LRMDA: variants seen among roughly 807,000 people sequenced by gnomAD.
The protein encoded by LRMDA is leucine rich melanocyte differentiation associated.
Under a neutral mutation model 29.8 loss-of-function variants are expected in LRMDA, and 18 were observed. The observed-to-expected ratio is 0.60, with a 90% confidence interval of 0.42 to 0.90. LRMDA has a LOEUF of 0.90. Among genes scored for constraint, LRMDA ranks in the 40% least tolerant of loss-of-function variants. The pLI, the probability that LRMDA is intolerant of heterozygous loss-of-function variation, is 0.00. For synonymous variants in LRMDA, 125 were observed against 109.4 expected (o/e 1.14, Z -0.89); for missense variants, 273 against 273.9 (o/e 1.00, Z 0.02).
intron 6 of LRMDA, among the ~76,000 whole-genome samples, chr10:76,375,741 G>A (rs186505174): frequency 1.7e-5 from 2 of 117,998 alleles, no homozygotes; most frequent in Admixed American, 8.1e-5. Context: ...TTTTTTTTTC[G>A]GGGGGAGAGG....
At chr10:76,171,498 A>G (rs1850836005) in intron 5 of LRMDA, among the ~76,000 whole-genome samples, 1 of 152,242 alleles carries the variant, frequency 6.6e-6, no homozygotes, top group Admixed American at 6.5e-5. Flanking sequence ...ACCTCCTGTG[A>G]GTGGTTAGGC....
At chr10:76,489,480 C>T (rs1052558514) in intron 6 of LRMDA, among the ~76,000 whole-genome samples, 2 of 151,564 alleles carry the variant, frequency 1.3e-5, no homozygotes, top group Admixed American at 1.3e-4. Context: ...TTTCATTGAT[C>T]TTTTGTATTG....
intron 2 of LRMDA, among the ~76,000 whole-genome samples, chr10:76,028,979 G>A (rs1848107250): frequency 6.6e-6 from 1 of 152,106 alleles, no homozygotes; most frequent in South Asian, 2.1e-4. Context: ...ACCACGCCCA[G>A]CTAATTTTTG....
At chr10:75,727,339 A>G (rs1456223962) in intron 2 of LRMDA, among the ~76,000 whole-genome samples, 2 of 152,192 alleles carry the variant, frequency 1.3e-5, no homozygotes, top group African/African-American at 2.4e-5. Context: ...TCAGCTGACC[A>G]GGGAAGACAA....
At chr10:75,869,698 C>T (rs1845077436) in intron 2 of LRMDA, among the ~76,000 whole-genome samples, 1 of 152,140 alleles carries the variant, frequency 6.6e-6, no homozygotes, top group Non-Finnish European at 1.5e-5. Flanking sequence ...GAAGTGTGAA[C>T]TCTTCAGGTT....
intron 5 of LRMDA, among the ~76,000 whole-genome samples, chr10:76,130,943 G>A (rs1849980527): frequency 6.6e-6 from 1 of 152,218 alleles, no homozygotes; most frequent in African/African-American, 2.4e-5. Context: ...AATTACAGGT[G>A]TGAGCCACCA....
intron 2 of LRMDA, among the ~76,000 whole-genome samples, chr10:75,939,603 A>T (rs1846353828): frequency 6.6e-6 from 1 of 152,144 alleles, no homozygotes; most frequent in African/African-American, 2.4e-5. Flanking sequence ...CATGGGAAAG[A>T]GAGAGTGTTG....
intron 2 of LRMDA, among the ~76,000 whole-genome samples, chr10:75,886,671 A>G (rs781611168): frequency 6.6e-5 from 10 of 152,140 alleles, no homozygotes; most frequent in Non-Finnish European, 1.5e-5. Flanking sequence ...TGGCTATTTA[A>G]CTCACTCCTT....
chr10:75,587,260 A>G (rs910944606), intron 2 of LRMDA, among the ~76,000 whole-genome samples: 1 of 152,190 alleles, frequency 6.6e-6, no homozygotes, highest in African/African-American at 2.4e-5. Flanking sequence ...ATTTACATTC[A>G]TAGTAGCTTT....
intron 5 of LRMDA, among the ~76,000 whole-genome samples, chr10:76,177,594 T>C (rs1472596349): frequency 1.3e-5 from 2 of 152,198 alleles, no homozygotes; most frequent in Non-Finnish European, 2.9e-5. Context: ...GATGCTCAAC[T>C]CTTTGAAAAT....
At chr10:75,550,002 T>G (rs953180971) in intron 2 of LRMDA, among the ~76,000 whole-genome samples, 5 of 152,228 alleles carry the variant, frequency 3.3e-5, no homozygotes, top group African/African-American at 4.8e-5. Context: ...TTGAGTAGTA[T>G]TCTATTGTGT....
chr10:76,007,033 C>CGCGTGT (rs1847683075), intron 2 of LRMDA, among the ~76,000 whole-genome samples: 33 of 31,670 alleles, frequency 1.0e-3, no homozygotes, highest in African/African-American at 2.1e-3. Context: ...TGTGTGTGTG[C>CGCGTGT]GCGTGTGTGT....
At chr10:76,092,405 T>C (rs1028373732) in intron 5 of LRMDA, among the ~76,000 whole-genome samples, 1 of 152,182 alleles carries the variant, frequency 6.6e-6, no homozygotes, top group Non-Finnish European at 1.5e-5. Flanking sequence ...GACCTGGATA[T>C]ACTTATTTCT....
At position 75,742,198 on chromosome 10, in the gene LRMDA, A is replaced by G. The variant is rs375884361; in HGVS notation, c.132-293810A>G. Among the ~76,000 whole-genome samples, 9 of 152,368 alleles carry G rather than the reference A, an allele frequency of 5.9e-5. No individual in the cohort carries two copies. In the East Asian group the frequency reaches 1.7e-3, roughly 29 times the overall value. On this transcript the variant is annotated intron_variant, in intron 2 of 6. Coordinates refer to ENST00000611255, the MANE Select transcript of LRMDA (RefSeq NM_001305581.2). ...GCACGTTCCTTGCTCTCTCCACGTC[A>G]AAGTTTTTCATACACATATCATGAG... is the stretch of plus-strand genomic sequence containing the variant.
At chr10:76,063,190 T>A (rs933159686) in intron 5 of LRMDA, among the ~76,000 whole-genome samples, 4 of 152,196 alleles carry the variant, frequency 2.6e-5, no homozygotes, top group African/African-American at 9.7e-5. Flanking sequence ...CTCTAGAAAG[T>A]GTTTTGACGC....
Position 76,511,841 on chromosome 10 carries a change from C to CTT in LRMDA, c.602-45357_602-45356dup, listed in dbSNP as rs139260230. Among the ~76,000 whole-genome samples the CTT allele has an allele frequency of 1.8e-3, 264 of 144,092 alleles. 1 individual carries two copies. The highest frequency in any genetic ancestry group is 2.4e-3 in the Non-Finnish European group (155 of 65,932). The allele number at this position is 144,092 out of a possible 152,430, so 94.5% of individuals were successfully genotyped here. ...CAATTCCTATCAAAATCTCAGCTGG[C>CTT]TTTTTTTTTTTTGCAGAAATTGACC... On this transcript the variant is annotated intron_variant, in intron 6 of 6. Coordinates refer to ENST00000611255, the MANE Select transcript of LRMDA (RefSeq NM_001305581.2).
intron 2 of LRMDA, among the ~76,000 whole-genome samples, chr10:75,984,501 C>T (rs556690058): frequency 1.3e-5 from 2 of 152,348 alleles, no homozygotes; most frequent in East Asian, 1.9e-4. Context: ...TCCAAGGGAA[C>T]GTGTCCCACT....
intron 5 of LRMDA, among the ~76,000 whole-genome samples, chr10:76,179,844 G>A (rs932122535): frequency 1.3e-5 from 2 of 152,188 alleles, no homozygotes; most frequent in African/African-American, 4.8e-5. Context: ...TCTACATGGG[G>A]AATCTCCTTT....
intron 2 of LRMDA, among the ~76,000 whole-genome samples, chr10:76,005,434 C>T (rs760614569): frequency 2.0e-5 from 3 of 152,116 alleles, no homozygotes; most frequent in African/African-American, 2.4e-5. Context: ...ATCCACCCCA[C>T]GTCAGTTTCC....
Sources: allele counts gnomAD v4.1 joint callset (sites outside exome capture counted in the v4.1 genomes callset), GRCh38; gene constraint gnomAD v4.1.1; transcripts MANE v1.5; gene names NCBI Gene and HGNC (gene_info 2026-07-23, HGNC 2026-07-21).